ABL1: variants seen among roughly 807,000 people sequenced by gnomAD.
ABL1 encodes ABL proto-oncogene 1, non-receptor tyrosine kinase.
ABL1 carries 11 observed loss-of-function variants against 94.7 expected under a neutral mutation model. The observed-to-expected ratio is 0.12, with a 90% confidence interval of 0.07 to 0.19. ABL1 has a LOEUF of 0.19. ABL1 is among the 10% of genes least tolerant of loss of function. ABL1 has a pLI of 1.00. For missense variants in ABL1, 1,082 were observed against 1,489.4 expected, an observed-to-expected ratio of 0.73 and a Z score of 4.50; for synonymous variants, 656 against 622.4, an observed-to-expected ratio of 1.05 and a Z score of -0.80.
rs76734330 is a variant in ABL1 at position 130,848,222 on chromosome 9, C to G, written c.80-5842C>G. Among the ~76,000 whole-genome samples the G allele has an allele frequency of 5.5e-3, 832 of 151,970 alleles. 11 individuals carry two copies. The highest frequency in any genetic ancestry group is 5.8e-3 in the Non-Finnish European group (395 of 67,994). ...ATTATCAATTATGTAAGTTTAGGGC[C>G]AGGCGCGGTGGCTCCTGCCTGTAAT... On this transcript the variant is annotated intron_variant, in intron 1 of 10. Transcript: ENST00000318560.
chr9:130,821,423 A>G (rs774993322), intron 1 of ABL1, among the ~76,000 whole-genome samples: 19 of 151,676 alleles, frequency 1.3e-4, no homozygotes, highest in Admixed American at 3.3e-4. Context: ...TTTTCCCAGC[A>G]TGTTTTTGAG....
intron 1 of ABL1, among the ~76,000 whole-genome samples, chr9:130,745,452 T>C (rs1008645859): frequency 6.6e-6 from 1 of 151,614 alleles, no homozygotes; most frequent in Non-Finnish European, 1.5e-5. Flanking sequence ...GCCTGCTGTT[T>C]GATTTTCAGT....
At chr9:130,717,584 C>T (rs1328211095) in intron 1 of ABL1, among the ~76,000 whole-genome samples, 1 of 150,398 alleles carries the variant, frequency 6.6e-6, no homozygotes, top group Non-Finnish European at 1.5e-5. Context: ...GCCAAAGAGT[C>T]GAGGCTGCGG....
chr9:130,735,132 C>T (rs765881119), intron 1 of ABL1, among the ~76,000 whole-genome samples: 9 of 151,916 alleles, frequency 5.9e-5, no homozygotes, highest in African/African-American at 1.2e-4. Flanking sequence ...TGGGTTCAAG[C>T]GATTCTCCTG....
chr9:130,872,827 C>T lies in ABL1; in HGVS notation c.908-33C>T. On this transcript the variant is annotated intron_variant, in intron 5 of 10. Transcript: ENST00000318560. This position sits in a 1 kb window ranked among gnomAD's most constrained non-coding sequence, Gnocchi z 5.0. ...TTGTTTGTTCAGTTGGGAGCGGAGC[C>T]ACGTGTTGAAGTCCTCGTTGTCTTG... The T allele has an allele frequency of 6.3e-7, 1 of 1,589,252 alleles. No homozygotes were observed. Among genetic ancestry groups the T allele is most frequent in the East Asian group, 2.3e-5 (1 of 44,392 alleles).
chr9:130,765,509 A>G (rs553752835), intron 1 of ABL1, among the ~76,000 whole-genome samples: 1 of 152,318 alleles, frequency 6.6e-6, no homozygotes, highest in South Asian at 2.1e-4. Context: ...CTTACGATAA[A>G]TTCCTAGAAG....
rs573602038 is a variant in ABL1, at chr9:130,735,961, A to ATATATATATTTTTTT, written c.136+21507_136+21508insATATATATTTTTTTT. ...TATATATATATATATATATATATAT[A>ATATATATATTTTTTT]TTTTTTTTTTTTAAGACAGGGTCTG... On this transcript the variant is annotated intron_variant, in intron 1 of 10. Coordinates refer to the ABL1 transcript ENST00000372348. Among the ~76,000 whole-genome samples the ATATATATATTTTTTT allele has an allele frequency of 8.4e-4, 80 of 94,806 alleles. 1 individual carries two copies. The highest frequency in any genetic ancestry group is 3.3e-3 in the East Asian group (8 of 2,434). The allele number at this position is 94,806 out of a possible 152,430, so 62.2% of individuals were successfully genotyped here.
intron 1 of ABL1, among the ~76,000 whole-genome samples, chr9:130,738,958 C>T (rs534837272): frequency 6.6e-6 from 1 of 152,338 alleles, no homozygotes; most frequent in South Asian, 2.1e-4. Context: ...TCTCGATTCA[C>T]GGCAACCCCC....
intron 1 of ABL1, among the ~76,000 whole-genome samples, chr9:130,788,962 C>T (rs576555046): frequency 6.6e-6 from 1 of 152,336 alleles, no homozygotes; most frequent in South Asian, 2.1e-4. Flanking sequence ...TAGTTTTCCT[C>T]TTGCATCTAT....
chr9:130,826,398 G>A (rs1333458383), intron 1 of ABL1, among the ~76,000 whole-genome samples: 6 of 151,990 alleles, frequency 3.9e-5, no homozygotes, highest in African/African-American at 1.4e-4. Flanking sequence ...TGGGATTACA[G>A]GCATGAGCCA....
chr9:130,860,693 T>C (rs1320501267), intron 3 of ABL1, among the ~76,000 whole-genome samples: 1 of 152,232 alleles, frequency 6.6e-6, no homozygotes, highest in Non-Finnish European at 1.5e-5. Flanking sequence ...AGTGGTGCTC[T>C]GATTGCAGGA....
At chr9:130,732,652 A>G (rs1230293168) in intron 1 of ABL1, among the ~76,000 whole-genome samples, 1 of 152,094 alleles carries the variant, frequency 6.6e-6, no homozygotes, top group African/African-American at 2.4e-5. Context: ...CTGTAGTGGG[A>G]ATATTGTCCC....
At chr9:130,846,103 G>A (rs894732162) in intron 1 of ABL1, among the ~76,000 whole-genome samples, 1 of 146,088 alleles carries the variant, frequency 6.8e-6, no homozygotes, top group African/African-American at 2.5e-5. Context: ...GTGTGTGTGT[G>A]TGTGTGCTTG....
chr9:130,813,561 C>CAAAAAAA (rs57194587), intron 1 of ABL1, among the ~76,000 whole-genome samples: 21 of 60,640 alleles, frequency 3.5e-4, no homozygotes, highest in Non-Finnish European at 5.5e-4. Context: ...ACTCCATCTC[C>CAAAAAAA]AAAAAAAAAA....
At chr9:130,714,800 C>T (rs1018744435) in intron 1 of ABL1, among the ~76,000 whole-genome samples, 1 of 152,160 alleles carries the variant, frequency 6.6e-6, no homozygotes, top group East Asian at 1.9e-4. Context: ...CTGCTCTAAC[C>T]GAAGTCGTGG....
At chr9:130,744,615 G>A (rs1831861342) in intron 1 of ABL1, among the ~76,000 whole-genome samples, 1 of 150,758 alleles carries the variant, frequency 6.6e-6, no homozygotes, top group African/African-American at 2.4e-5. Flanking sequence ...CATTTTGGGG[G>A]GCCGAGGCAG....
intron 1 of ABL1, among the ~76,000 whole-genome samples, chr9:130,784,422 T>C (rs568463422): frequency 2.0e-5 from 3 of 152,294 alleles, no homozygotes; most frequent in African/African-American, 7.2e-5. Flanking sequence ...CATCTAGAAA[T>C]GGGGAGAAGC....
intron 1 of ABL1, among the ~76,000 whole-genome samples, chr9:130,848,043 A>C (rs1830800217): frequency 6.6e-6 from 1 of 152,174 alleles, no homozygotes; most frequent in Non-Finnish European, 1.5e-5. Context: ...GCATTTCTGT[A>C]TTCATGACTT....
chr9:130,793,750 A>G (rs899123162), intron 1 of ABL1, among the ~76,000 whole-genome samples: 1 of 152,162 alleles, frequency 6.6e-6, no homozygotes, highest in Non-Finnish European at 1.5e-5. Context: ...ACCAGGCCGT[A>G]TAGCAGGTGG....
Sources: gnomAD v4.1 joint callset for allele counts (sites outside exome capture counted in the v4.1 genomes callset) on GRCh38, gnomAD v4.1.1 for gene constraint, Gnocchi (gnomAD v3.1) non-coding constraint, MANE v1.5 for transcripts, NCBI Gene and HGNC (gene_info 2026-07-23, HGNC 2026-07-21) for gene names.